The following THRAP3 variants were observed in gnomAD, a reference collection of about 807,000 sequenced individuals.
THRAP3 encodes the protein thyroid hormone receptor associated protein 3.
Under a neutral mutation model 101.0 loss-of-function variants are expected in THRAP3, and 16 were observed. That is an observed-to-expected ratio of 0.16 (90% CI 0.11 to 0.24). The LOEUF (loss-of-function observed/expected upper bound fraction) is 0.24. Ranked by LOEUF, THRAP3 falls within the 10% of genes least tolerant of loss-of-function variation. The pLI, the probability that THRAP3 is intolerant of heterozygous loss-of-function variation, is 1.00. For synonymous variants in THRAP3, 407 were observed against 422.6 expected, an observed-to-expected ratio of 0.96 and a Z score of 0.45; for missense variants, 989 against 1,202.7, an observed-to-expected ratio of 0.82 and a Z score of 2.63.
At chr1:36,262,393 C>T (rs1476899613) in intron 2 of THRAP3, among the ~76,000 whole-genome samples, 1 of 152,134 alleles carries the variant, frequency 6.6e-6, no homozygotes, top group Non-Finnish European at 1.5e-5. Context: ...AAACATAATA[C>T]AAAACAGTGA....
At chr1:36,303,744 C>G (rs1646058722) in intron 11 of THRAP3, 52 bp from the exon 12 acceptor site, 1 of 1,612,136 alleles carries the variant, frequency 6.2e-7, no homozygotes, top group Non-Finnish European at 8.5e-7. Context: ...GAAGAGAGCT[C>G]TGGCCACATC....
At chr1:36,262,051 A>G (rs567978061) in intron 2 of THRAP3, among the ~76,000 whole-genome samples, 30 of 152,352 alleles carry the variant, frequency 2.0e-4, no homozygotes, top group African/African-American at 6.5e-4. Context: ...TGTGAGCCAC[A>G]TGTCATTTAA....
At chr1:36,219,595 T>C (rs1414871887), upstream of THRAP3, among the ~76,000 whole-genome samples, 1 of 151,402 alleles carries the variant, frequency 6.6e-6, no homozygotes, top group Non-Finnish European at 1.5e-5. Context: ...CAGCTAACTT[T>C]TTTTTTTTTT....
chr1:36,214,341 C>T, the THRAP3 span, among the ~76,000 whole-genome samples: 1 of 152,208 alleles, frequency 6.6e-6, no homozygotes, highest in African/African-American at 2.4e-5. Context: ...GACTCCTGCC[C>T]TTTCTCAGCC....
In THRAP3 at chr1:36,282,572, A is replaced by T; in HGVS notation, c.9A>T (p.Lys3Asn). Residue 3 changes from lysine to asparagine, a missense_variant, in exon 3 of 12, where the codon AAA becomes AAT. Physicochemically the swap from Lys to Asn is moderately conservative, Grantham distance 94. Coordinates refer to ENST00000354618, the MANE Select transcript of THRAP3 (RefSeq NM_005119.4). MS[K>N]TNKSKSGSRS... ...TGATCCTCTCTTCAGAGATGTCAAAAACAAACAAATCCAAGTCTGGATCTC... is the reference window on the plus strand; with the variant it reads ...TGATCCTCTCTTCAGAGATGTCAAATACAAACAAATCCAAGTCTGGATCTC... The T allele has an allele frequency of 1.2e-6, 2 of 1,614,070 alleles. No homozygotes were observed. The highest frequency in any genetic ancestry group is 2.2e-5 in the South Asian group (2 of 91,080).
In THRAP3 at chr1:36,304,161, A is replaced by C. The variant is rs980909888; in HGVS notation, c.*144A>C. The C allele has an allele frequency of 2.3e-6, 3 of 1,281,620 alleles. No homozygotes were observed. In the African/African-American group the frequency reaches 4.6e-5, roughly 20 times the overall value. The allele number at this position is 1,281,620 out of a possible 1,614,324, so 79.4% of individuals were successfully genotyped here. The stretch of plus-strand genomic sequence containing the variant: ...GCCGCACAGATTGTACTACCGCGAG[A>C]GGCATCCCTGGCGCTGTCTCCCACT... On this transcript the variant is annotated 3_prime_UTR_variant, in exon 12 of 12. Transcript: ENST00000354618.
intron 9 of THRAP3, among the ~76,000 whole-genome samples, chr1:36,298,744 C>A (rs1256615932): frequency 6.6e-6 from 1 of 152,002 alleles, no homozygotes; most frequent in African/African-American, 2.4e-5. Context: ...TCAAGTGATT[C>A]CCACCCACCT....
At position 36,289,779 on chromosome 1, in the gene THRAP3, T is replaced by C; in HGVS notation, c.1745+15T>C. 1 of 1,579,414 alleles carries C rather than the reference T, an allele frequency of 6.3e-7. No homozygotes were observed. Among genetic ancestry groups the C allele is most frequent in the Non-Finnish European group, 8.6e-7 (1 of 1,164,314 alleles). On this transcript the variant is annotated intron_variant, in intron 5 of 11. Transcript: ENST00000354618. ...GACCTCGCACGGTGAGATATGCTCC[T>C]TCTTGATCCTCAGTGCTTTAGTGGC...
rs1645808466 is a variant in THRAP3, at chr1:36,287,232, G to A, written c.1002G>A (p.Glu334=). 4.3e-6 allele frequency: 7 copies of A among 1,613,468 alleles called. No individual in the cohort carries two copies. Among genetic ancestry groups the A allele is most frequent in the African/African-American group, 1.3e-5 (1 of 75,048 alleles). Reference sequence around the variant, plus strand: ...CCACATATGGCTCATCTCAGAAGGAGGAGAGTGCTGCTTCAGGAGGAGCAG... The same window carrying A: ...CCACATATGGCTCATCTCAGAAGGAAGAGAGTGCTGCTTCAGGAGGAGCAG... ...TGSTYGSSQK[E]ESAASGGAAY... The change falls in exon 4 of 12, where the codon GAG becomes GAA. Residue 334 remains glutamate (E), a synonymous_variant. Transcript: ENST00000354618.
At chr1:36,244,741 CAG>C (rs937251488) in intron 1 of THRAP3, among the ~76,000 whole-genome samples, 12 of 148,738 alleles carry the variant, frequency 8.1e-5, no homozygotes, top group African/African-American at 2.0e-4. Flanking sequence ...TTTTTTGAGA[CAG>C]AGTCTCGCTC....
At chr1:36,264,979 C>T (rs1570289560) in intron 2 of THRAP3, among the ~76,000 whole-genome samples, 1 of 152,212 alleles carries the variant, frequency 6.6e-6, no homozygotes, top group South Asian at 2.1e-4. Context: ...TCCTTGGCTT[C>T]CCTGTGTCTC....
intron 1 of THRAP3, among the ~76,000 whole-genome samples, chr1:36,232,985 G>GA (rs1375082597): frequency 1.3e-5 from 2 of 148,652 alleles, no homozygotes; most frequent in Admixed American, 1.4e-4. Context: ...TCTACTGCCT[G>GA]AGCCTCCTGA....
chr1:36,247,418 A>G (rs1645244807), intron 1 of THRAP3, among the ~76,000 whole-genome samples: 1 of 151,920 alleles, frequency 6.6e-6, no homozygotes, highest in South Asian at 2.1e-4. Context: ...TCGGCCTCGT[A>G]GGTTCAAGCT....
At chr1:36,213,959 GA>G in the THRAP3 span, among the ~76,000 whole-genome samples, 1 of 107,518 alleles carries the variant, frequency 9.3e-6, no homozygotes, top group Non-Finnish European at 1.9e-5. Flanking sequence ...AAGAAAGAAA[GA>G]AGGAAAGAGA....
upstream of THRAP3, among the ~76,000 whole-genome samples, chr1:36,222,134 A>G (rs575545026): frequency 9.9e-5 from 15 of 151,660 alleles, no homozygotes; most frequent in South Asian, 1.7e-3. Context: ...TTCTGACCTC[A>G]GGTTATCCAC....
intron 10 of THRAP3, 50 bp from the exon 11 acceptor site, chr1:36,301,503 C>A: frequency 6.3e-7 from 1 of 1,591,602 alleles, no homozygotes; most frequent in Non-Finnish European, 8.5e-7. Flanking sequence ...GGGTTTGTTC[C>A]CCATTCCTGG....
chr1:36,218,597 C>T, the THRAP3 span, among the ~76,000 whole-genome samples: 1 of 151,204 alleles, frequency 6.6e-6, no homozygotes, highest in Non-Finnish European at 1.5e-5. Flanking sequence ...TGGCAGGCAC[C>T]TGTAGTCCTA....
chr1:36,293,759 T>G, intron 7 of THRAP3, 92 bp from the exon 8 acceptor site: 1 of 1,089,372 alleles, frequency 9.2e-7, no homozygotes, highest in South Asian at 1.4e-5. Context: ...AAATAATGCC[T>G]GTGAATCTAT....
intron 2 of THRAP3, among the ~76,000 whole-genome samples, chr1:36,278,720 G>A (rs879523299): frequency 3.9e-5 from 6 of 151,994 alleles, no homozygotes; most frequent in Admixed American, 3.3e-4. Context: ...TCAGGAGATC[G>A]AGACCATCCT....
Sources: gnomAD v4.1 joint callset for allele counts (sites outside exome capture counted in the v4.1 genomes callset) on GRCh38, gnomAD v4.1.1 for gene constraint, MANE v1.5 for transcripts, NCBI Gene and HGNC (gene_info 2026-07-23, HGNC 2026-07-21) for gene names.